The following PTGDS variants were observed in gnomAD, a reference collection of about 807,000 sequenced individuals.
PTGDS encodes prostaglandin D2 synthase, also known as prostaglandin-H2 D-isomerase.
PTGDS carries 21 observed loss-of-function variants against 28.4 expected under a neutral mutation model. The observed-to-expected ratio is 0.74, with a 90% CI of 0.52 to 1.07. The LOEUF is 1.07. Among genes scored for constraint, PTGDS ranks in the 50% least tolerant of loss-of-function variants. The pLI is 0.00. For synonymous variants in PTGDS, 102 were observed against 106.0 expected, an observed-to-expected ratio of 0.96 and a Z score of 0.23; for missense variants, 243 against 247.7, an observed-to-expected ratio of 0.98 and a Z score of 0.13.
At chr9:136,980,877 T>TTCATTCAG in intron 6 of PTGDS, 22 bp downstream of exon 6, 2 of 1,562,996 alleles carry the variant, frequency 1.3e-6, no homozygotes, top group South Asian at 2.4e-5. Context: ...CATTCATTCA[T>TTCATTCAG]TCATTCATTC....
rs369718297 is a variant in PTGDS at position 136,978,272 on chromosome 9, C to A, written c.114+580C>A. Among the ~76,000 whole-genome samples, 36 of 152,268 alleles carry A rather than the reference C, an allele frequency of 2.4e-4. No individual in the cohort carries two copies. In the East Asian group the frequency reaches 7.0e-3, roughly 29 times the overall value. ...CCGCCAGGAATGCGACGTCCTCTGC[C>A]GCCCGCTGTATGGGCCAGGCGCTCA... On this transcript the variant is annotated intron_variant, in intron 1 of 6. Transcript: ENST00000371625.
intron 5 of PTGDS, among the ~76,000 whole-genome samples, 181 bp downstream of exon 5, chr9:136,980,465 C>A (rs992190983): frequency 1.3e-5 from 2 of 152,208 alleles, no homozygotes; most frequent in Non-Finnish European, 2.9e-5. Context: ...TCATGAGGAG[C>A]CCCCTCCATG....
Position 136,979,955 on chromosome 9 carries a change from G to A in PTGDS, c.341G>A (p.Ser114Asn), listed in dbSNP as rs766235194. ...SYSYRSPHWG[S>N]TYSVSVVETD... The stretch of plus-strand genomic sequence containing the variant: ...TCTCTTGGGTTCCCAGACTGGGGCA[G>A]CACCTACTCCGTGTCAGTGGTGGAG... The change falls in exon 4 of 7, where the codon AGC (serine) becomes AAC (asparagine). Residue 114 changes from serine to asparagine, a missense_variant. Ser to Asn is a conservative substitution (Grantham distance 46). Transcript: ENST00000371625. 1 of 1,613,256 alleles carries A rather than the reference G, an allele frequency of 6.2e-7. No homozygotes were observed. Among genetic ancestry groups the A allele is most frequent in the Non-Finnish European group, 8.5e-7 (1 of 1,179,910 alleles).
intron 1 of PTGDS, 143 bp from the exon 2 acceptor site, chr9:136,978,849 AG>A: frequency 1.2e-6 from 1 of 844,994 alleles, no homozygotes; most frequent in Non-Finnish European, 1.5e-6. Context: ...GCGGGGCGTG[AG>A]GGGCGTGGCT....
chr9:136,979,352 C>G (rs771362731), intron 3 of PTGDS, 53 bp downstream of exon 3: 6 of 1,586,626 alleles, frequency 3.8e-6, no homozygotes, highest in Admixed American at 1.8e-5. Context: ...CGACACTTGC[C>G]GGGACGACTC....
Position 136,979,050 on chromosome 9 carries a change from A to G in PTGDS, c.172A>G (p.Lys58Glu). 6.2e-7 allele frequency: 1 copy of G among 1,608,164 alleles called. No homozygotes were observed. The highest frequency in any genetic ancestry group is 8.5e-7 in the Non-Finnish European group (1 of 1,177,040). ...CTCCAACTCGAGCTGGCTCCGGGAG[A>G]AGAAGGCGGCGTTGTCCATGTGCAA... The part of the protein sequence containing the change: ...LASNSSWLRE[K>E]KAALSMCKSV... Residue 58 changes from lysine to glutamate, a missense_variant, in exon 2 of 7, where the codon AAG (lysine) becomes GAG (glutamate). Physicochemically the swap from Lys to Glu is moderately conservative, Grantham distance 56. Transcript: ENST00000371625.
In PTGDS at chr9:136,980,247, C is replaced by T. The variant is rs755794964; in HGVS notation, c.513C>T (p.Gly171=). 5 of 1,614,112 alleles carry T rather than the reference C, an allele frequency of 3.1e-6. No individual in the cohort carries two copies. In the South Asian group the frequency reaches 4.4e-5, roughly 14 times the overall value. The change falls in exon 5 of 7, where the codon GGC becomes GGT. Residue 171 remains glycine (G), a synonymous_variant. Transcript: ENST00000371625. Reference sequence around the variant, plus strand: ...TCACCGCCTTCTGCAAGGCCCAGGGCTTCACAGAGGATACCATTGTCTTCC... The same window carrying T: ...TCACCGCCTTCTGCAAGGCCCAGGGTTTCACAGAGGATACCATTGTCTTCC... The part of the protein sequence containing the change: ...EKFTAFCKAQ[G]FTEDTIVFLP...
At chr9:136,978,969 G>A (rs1830415526) in intron 1 of PTGDS, 24 bp from the exon 2 acceptor site, 4 of 1,601,646 alleles carry the variant, frequency 2.5e-6, no homozygotes, top group Non-Finnish European at 3.4e-6. Flanking sequence ...CCTGGCCGAC[G>A]CGGGTGGGGG....
intron 5 of PTGDS, 82 bp downstream of exon 5, chr9:136,980,366 G>A: frequency 6.8e-7 from 1 of 1,475,348 alleles, no homozygotes; most frequent in South Asian, 1.2e-5. Context: ...GGGAGGCAGA[G>A]GGGAGGAGGT....
intron 6 of PTGDS, 146 bp downstream of exon 6, chr9:136,981,001 G>T: frequency 8.1e-7 from 1 of 1,232,864 alleles, no homozygotes; most frequent in Non-Finnish European, 1.1e-6. Flanking sequence ...TGCAGTCCAG[G>T]GCCGGGCGGG....
In PTGDS at chr9:136,980,290, G is replaced by C; in HGVS notation, c.550+6G>C. 1 of 1,613,520 alleles carries C rather than the reference G, an allele frequency of 6.2e-7. No individual in the cohort carries two copies. Among genetic ancestry groups the C allele is most frequent in the East Asian group, 2.2e-5 (1 of 44,888 alleles). ...TGTCTTCCTGCCCCAAACCGGTGAGGGGTCCTAATCTGATGGGGAGAGGAT... is the reference window on the plus strand; with the variant it reads ...TGTCTTCCTGCCCCAAACCGGTGAGCGGTCCTAATCTGATGGGGAGAGGAT... On this transcript the variant is annotated splice_donor_region_variant and intron_variant, in intron 5 of 6. Transcript: ENST00000371625.
At chr9:136,980,382 C>T (rs1465409490) in intron 5 of PTGDS, 98 bp downstream of exon 5, 49 of 1,327,316 alleles carry the variant, frequency 3.7e-5, no homozygotes, top group South Asian at 7.8e-5. Context: ...GAGGTGGCCC[C>T]GCCCTGCTCG....
In PTGDS at chr9:136,979,291, G is replaced by A. The variant is rs763754105; in HGVS notation, c.323G>A (p.Arg108Gln). ...GGGTCCCTCGGCTCCTACAGCTACC[G>A]GAGTCCCCGTGAGTGGGGCCTCCAC... Reference protein sequence around the residue: ...PAGSLGSYSYRSPHWGSTYSV... With the variant: ...PAGSLGSYSYQSPHWGSTYSV... The change falls in exon 3 of 7, where the codon CGG (arginine) becomes CAG (glutamine). Residue 108 changes from arginine to glutamine, a missense_variant. Physicochemically the swap from Arg to Gln is conservative, Grantham distance 43. Transcript: ENST00000371625. 16 of 1,609,838 alleles carry A rather than the reference G, an allele frequency of 9.9e-6. No homozygotes were observed. The highest frequency in any genetic ancestry group is 9.9e-5 in the South Asian group (9 of 90,772).
chr9:136,977,574 G>A lies in PTGDS; in HGVS notation c.-5G>A, dbSNP rs1258258889. On this transcript the variant is annotated 5_prime_UTR_variant, in exon 1 of 7. Coordinates refer to ENST00000371625, the MANE Select transcript of PTGDS (RefSeq NM_000954.6). ...GGCCCCGGACACCCGCTCTGCTGCA[G>A]GAGAATGGCTACTCATCACACACTG... 6.3e-7 allele frequency: 1 copy of A among 1,588,962 alleles called. No homozygotes were observed. Among genetic ancestry groups the A allele is most frequent in the South Asian group, 1.1e-5 (1 of 88,636 alleles).
intron 1 of PTGDS, chr9:136,978,756 C>T: frequency 2.8e-6 from 1 of 355,136 alleles, no homozygotes; most frequent in Non-Finnish European, 4.9e-6. Flanking sequence ...ATGTGAGGGG[C>T]GTGGTCAGCT....
At chr9:136,979,784 G>A in intron 3 of PTGDS, 162 bp from the exon 4 acceptor site, 1 of 747,248 alleles carries the variant, frequency 1.3e-6, no homozygotes, top group South Asian at 1.6e-5. Flanking sequence ...AGGCTGTGCA[G>A]GCGAGAGCAG....
intron 6 of PTGDS, 162 bp downstream of exon 6, chr9:136,981,017 CTG>C: frequency 9.7e-7 from 1 of 1,034,708 alleles, no homozygotes; most frequent in South Asian, 1.7e-5. Flanking sequence ...GCGGGAGACA[CTG>C]GGGCTGCCCA....
Position 136,979,777 on chromosome 9 carries a change from C to T in PTGDS, c.332-169C>T, listed in dbSNP as rs1830425654. 4 of 715,872 alleles carry T rather than the reference C, an allele frequency of 5.6e-6. No individual in the cohort carries two copies. In the East Asian group the frequency reaches 9.9e-5, roughly 18 times the overall value. The allele number at this position is 715,872 out of a possible 1,614,324, so 44.3% of individuals were successfully genotyped here. A position where few individuals can be genotyped will look rare whatever the true frequency, so the allele number is the denominator to read the frequency against. On this transcript the variant is annotated intron_variant, in intron 3 of 6. Coordinates refer to ENST00000371625, the MANE Select transcript of PTGDS (RefSeq NM_000954.6). The stretch of plus-strand genomic sequence containing the variant: ...CTGGTTTGGGGACAGGGTTCACAGG[C>T]TGTGCAGGCGAGAGCAGGGCACTGG...
chr9:136,980,866 C>CATT lies in PTGDS; in HGVS notation c.*11_*12insATT, dbSNP rs1564196843. On this transcript the variant is annotated intron_variant, in intron 6 of 6. Transcript: ENST00000371625. ...ATGACGGAACAATAGGTGAGCCACTCCATTCATTCATTCATTCATTCATTC... is the reference window on the plus strand; with the variant it reads ...ATGACGGAACAATAGGTGAGCCACTCATTCATTCATTCATTCATTCATTCATTC... 9.2e-5 allele frequency: 121 copies of CATT among 1,319,898 alleles called. No homozygotes were observed. The highest frequency in any genetic ancestry group is 1.2e-4 in the Non-Finnish European group (114 of 969,654). 81.8% of individuals were successfully genotyped at this position (1,319,898 alleles called of 1,614,324 possible).
Sources: gnomAD v4.1 joint callset for allele counts (sites outside exome capture counted in the v4.1 genomes callset) on GRCh38, gnomAD v4.1.1 for gene constraint, MANE v1.5 for transcripts, NCBI Gene and HGNC (gene_info 2026-07-23, HGNC 2026-07-21) for gene names.